The following THAP1 variants were observed in gnomAD, a reference collection of about 807,000 sequenced individuals.
THAP1 encodes the protein THAP domain containing 1, also known as THAP domain-containing protein 1.
Under a neutral mutation model 18.2 loss-of-function variants are expected in THAP1, and 6 were observed. The observed-to-expected ratio is 0.33, with a 90% confidence interval of 0.18 to 0.65. The LOEUF (loss-of-function observed/expected upper bound fraction) is 0.65. THAP1 is among the 30% of genes least tolerant of loss of function. The pLI is 0.74. For synonymous variants in THAP1, 85 were observed against 90.5 expected (o/e 0.94, Z 0.34); for missense variants, 176 against 253.0 (o/e 0.70, Z 2.06).
In THAP1 at chr8:42,839,383, TAAG is replaced by T. The variant is rs775952915; in HGVS notation, c.72-5_72-3del. On this transcript the variant is annotated splice_region_variant and splice_polypyrimidine_tract_variant and intron_variant, in intron 1 of 2. Coordinates refer to ENST00000254250, the MANE Select transcript of THAP1 (RefSeq NM_018105.3). ...AGACTGGGTCGAGTAAGAGGAAACC[TAAG>T]AAGAAGGCATAATTCAATTATCTGT... 7.4e-6 allele frequency: 12 copies of T among 1,613,796 alleles called. No individual in the cohort carries two copies. The highest frequency in any genetic ancestry group is 1.3e-5 in the African/African-American group (1 of 74,926).
chr8:42,839,863 A>G (rs1802684718), intron 1 of THAP1, among the ~76,000 whole-genome samples: 1 of 152,092 alleles, frequency 6.6e-6, no homozygotes, highest in South Asian at 2.1e-4. Context: ...TTAACGTTTA[A>G]CTTTTTATAC....
At chr8:42,840,113 C>T (rs963404089) in intron 1 of THAP1, among the ~76,000 whole-genome samples, 3 of 152,136 alleles carry the variant, frequency 2.0e-5, no homozygotes, top group Non-Finnish European at 4.4e-5. Context: ...AAGGACTGCT[C>T]GAGCCTGGGA....
In THAP1 at chr8:42,840,953, A is replaced by G. The variant is rs180960596; in HGVS notation, c.72-1572T>C. ...CTGCACTCTAGCCTGGTGACAGAGC[A>G]AGACTCCATCTCAAAAAAAAAAAAA... On this transcript the variant is annotated intron_variant, in intron 1 of 2. Transcript: ENST00000254250. 8.5e-3 allele frequency among the ~76,000 whole-genome samples: 1,266 copies of G among 148,404 alleles called. 12 individuals carry two copies. The highest frequency in any genetic ancestry group is 0.014 in the Non-Finnish European group (916 of 67,040).
rs558437147 is a variant in THAP1 at position 42,841,565 on chromosome 8, C to T, written c.71+1459G>A. 2.0e-5 allele frequency among the ~76,000 whole-genome samples: 3 copies of T among 152,290 alleles called. No individual in the cohort carries two copies. In the South Asian group the frequency reaches 6.2e-4, roughly 32 times the overall value. On this transcript the variant is annotated intron_variant, in intron 1 of 2. Coordinates refer to ENST00000254250, the MANE Select transcript of THAP1 (RefSeq NM_018105.3). ...TGGCCTCCCCAAGTGCTGGGAATTA[C>T]AGGCATGAGCCATCGTGCCTCGACA...
rs867326089 is a variant in THAP1, at chr8:42,842,961, C to T, written c.71+63G>A. The T allele has an allele frequency of 1.6e-5, 22 of 1,375,354 alleles. 2 individuals are homozygous for T. The highest frequency in any genetic ancestry group is 2.5e-4 in the Middle Eastern group (1 of 4,034). The allele number at this position is 1,375,354 out of a possible 1,614,324, so 85.2% of individuals were successfully genotyped here. On this transcript the variant is annotated intron_variant, in intron 1 of 2. Transcript: ENST00000254250. ...ACACGCGCCTGGCTCCGCCCCCGGCCCCGCCGGCCGCGCGCCCCCACCCCG... is the reference window on the plus strand; with the variant it reads ...ACACGCGCCTGGCTCCGCCCCCGGCTCCGCCGGCCGCGCGCCCCCACCCCG...
chr8:42,839,424 A>C, intron 1 of THAP1, 43 bp from the exon 2 acceptor site: 1 of 1,609,764 alleles, frequency 6.2e-7, no homozygotes, highest in Non-Finnish European at 8.5e-7. Context: ...TGATTTTTTA[A>C]ATAAATAAAG....
At chr8:42,841,949 A>G (rs1025134748) in intron 1 of THAP1, among the ~76,000 whole-genome samples, 3 of 152,188 alleles carry the variant, frequency 2.0e-5, no homozygotes, top group Admixed American at 6.5e-5. Context: ...AAATGCATGG[A>G]CACTCCCCTA....
In THAP1 at chr8:42,843,187, C is replaced by CT; in HGVS notation, c.-94dup. The CT allele has an allele frequency of 6.7e-7, 1 of 1,498,820 alleles. No individual in the cohort carries two copies. Among genetic ancestry groups the CT allele is most frequent in the Non-Finnish European group, 9.3e-7 (1 of 1,079,512 alleles). The allele number at this position is 1,498,820 out of a possible 1,614,324, so 92.8% of individuals were successfully genotyped here. A position where few individuals can be genotyped will look rare whatever the true frequency, so the allele number is the denominator to read the frequency against. On this transcript the variant is annotated 5_prime_UTR_variant, in exon 1 of 3. Transcript: ENST00000254250. The stretch of plus-strand genomic sequence containing the variant: ...TGCGCTCGGTTGGATTCCCTCGCTT[C>CT]TTTTGTAGCTTTGGCCAACAGTTAC...
At chr8:42,839,556 A>T (rs964817083) in intron 1 of THAP1, among the ~76,000 whole-genome samples, 175 bp from the exon 2 acceptor site, 4 of 150,382 alleles carry the variant, frequency 2.7e-5, no homozygotes, top group Non-Finnish European at 4.4e-5. Flanking sequence ...TTAATTTTTT[A>T]AAAATTTTTT....
At position 42,839,197 on chromosome 8, in the gene THAP1, G is replaced by C. The variant is rs556983053; in HGVS notation, c.256C>G (p.Pro86Ala). ...AVPTIFLCTE[P>A]HDKKEDLLEP... ...AAAATGCATATTACCTTGTCATGTGGCTCAGTACAAAGAAATATTGTGGGC... is the reference window on the plus strand; with the variant it reads ...AAAATGCATATTACCTTGTCATGTGCCTCAGTACAAAGAAATATTGTGGGC... Residue 86 changes from proline (P) to alanine (A), a missense_variant, in exon 2 of 3, where the codon CCA becomes GCA. Transcript: ENST00000254250. 2 of 1,613,974 alleles carry C rather than the reference G, an allele frequency of 1.2e-6. No individual in the cohort carries two copies. The highest frequency in any genetic ancestry group is 2.7e-5 in the African/African-American group (2 of 75,018).
intron 1 of THAP1, among the ~76,000 whole-genome samples, chr8:42,842,229 A>C (rs767031560): frequency 6.6e-6 from 1 of 152,228 alleles, no homozygotes; most frequent in Non-Finnish European, 1.5e-5. Context: ...ACAAGCGTTT[A>C]TCATAAGTAA....
chr8:42,841,637 C>G (rs1586458447), intron 1 of THAP1, among the ~76,000 whole-genome samples: 2 of 152,170 alleles, frequency 1.3e-5, no homozygotes, highest in East Asian at 3.8e-4. Flanking sequence ...AACTAGTTTC[C>G]AGTGCCAATG....
rs1802764562 is a variant in THAP1 at position 42,843,286 on chromosome 8, A to ATCGCCCG, written c.-199_-193dup. On this transcript the variant is annotated 5_prime_UTR_variant, in exon 1 of 3. It adds an upstream start codon to the 5' untranslated region. Coordinates refer to ENST00000254250, the MANE Select transcript of THAP1 (RefSeq NM_018105.3). ...TTGCATTAGCAGAAGGACCACAGCC[A>ATCGCCCG]TCGCCCGTCTCCCATCTCCAAGATG... The ATCGCCCG allele has an allele frequency of 1.5e-6, 1 of 665,296 alleles. No individual in the cohort carries two copies. The allele number at this position is 665,296 out of a possible 1,614,324, so 41.2% of individuals were successfully genotyped here. A position where few individuals can be genotyped will look rare whatever the true frequency, so the allele number is the denominator to read the frequency against.
chr8:42,837,260 T>C lies in THAP1; in HGVS notation c.*702A>G, dbSNP rs1210509607. ...ACTTTATTTATTGAAAAATGTTTCT[T>C]CCACTGAAAATACACTTCTAATTTT... is the stretch of plus-strand genomic sequence containing the variant. On this transcript the variant is annotated 3_prime_UTR_variant, in exon 3 of 3. Transcript: ENST00000254250. The C allele has an allele frequency of 6.6e-6, 1 of 152,038 alleles. No homozygotes were observed. The highest frequency in any genetic ancestry group is 1.5e-5 in the Non-Finnish European group (1 of 68,018). The allele number at this position is 152,038 out of a possible 1,614,324, so 9.4% of individuals were successfully genotyped here.
Position 42,842,996 on chromosome 8 carries a change from G to A in THAP1, c.71+28C>T, listed in dbSNP as rs538267559. On this transcript the variant is annotated intron_variant, in intron 1 of 2. Transcript: ENST00000254250. ...GCGCGCCCCCACCCCGGCTGAGACC[G>A]GCCCCGCGAGGCGCGCAGGGTCCTC... The A allele has an allele frequency of 2.9e-5, 45 of 1,548,092 alleles. No homozygotes were observed. In the South Asian group the frequency reaches 4.5e-4, roughly 15 times the overall value.
intron 1 of THAP1, among the ~76,000 whole-genome samples, chr8:42,840,652 G>A (rs1245406511): frequency 6.6e-6 from 1 of 152,178 alleles, no homozygotes; most frequent in African/African-American, 2.4e-5. Context: ...TAGAGGGTGG[G>A]AGAAGTGGTA....
At position 42,843,305 on chromosome 8, in the gene THAP1, C is replaced by G; in HGVS notation, c.-211G>C. ...ACAGCCATCGCCCGTCTCCCATCTC[C>G]AAGATGGCGGAGGCAGCTTCAACCT... On this transcript the variant is annotated 5_prime_UTR_variant, in exon 1 of 3. Transcript: ENST00000254250. 1 of 628,410 alleles carries G rather than the reference C, an allele frequency of 1.6e-6. No individual in the cohort carries two copies. Among genetic ancestry groups the G allele is most frequent in the Non-Finnish European group, 2.9e-6 (1 of 347,462 alleles). The allele number at this position is 628,410 out of a possible 1,614,324, so 38.9% of individuals were successfully genotyped here.
At chr8:42,842,832 G>A (rs1802749097) in intron 1 of THAP1, 192 bp downstream of exon 1, 1 of 251,370 alleles carries the variant, frequency 4.0e-6, no homozygotes. Context: ...CGGCTGCCGC[G>A]GCGACGCGCG....
rs769988455 is a variant in THAP1 at position 42,838,197 on chromosome 8, T to C, written c.407A>G (p.Asn136Ser). The change falls in exon 3 of 3, where the codon AAC becomes AGC. Residue 136 changes from asparagine to serine, a missense_variant. By Grantham distance (46) the Asn-to-Ser change is conservative. Transcript: ENST00000254250. ...PVNLSVFCDHNYTVEDTMHQR... is the reference protein window; with the variant it reads ...PVNLSVFCDHSYTVEDTMHQR... ...GTGCATTGTATCCTCCACAGTATAG[T>C]TGTGGTCACAGAAAACTGAGAGATT... 2.1e-5 allele frequency: 34 copies of C among 1,614,020 alleles called. No individual in the cohort carries two copies. Among genetic ancestry groups the C allele is most frequent in the Middle Eastern group, 1.6e-4 (1 of 6,084 alleles).
Sources: allele counts gnomAD v4.1 joint callset (sites outside exome capture counted in the v4.1 genomes callset), GRCh38; gene constraint gnomAD v4.1.1; transcripts MANE v1.5; gene names NCBI Gene and HGNC (gene_info 2026-07-23, HGNC 2026-07-21).